CXorf38: variants seen among roughly 807,000 people sequenced by gnomAD.
The protein encoded by CXorf38 is chromosome X open reading frame 38.
In CXorf38, 13 loss-of-function variants were observed where a neutral mutation model predicts 27.5. The observed-to-expected ratio is 0.47, with a 90% CI of 0.31 to 0.75. The LOEUF is 0.75. Ranked by LOEUF, CXorf38 falls within the 30% of genes least tolerant of loss-of-function variation. CXorf38 has a pLI of 0.05. For missense variants in CXorf38, 240 were observed against 253.2 expected (o/e 0.95, Z 0.35); for synonymous variants, 100 against 99.8 (o/e 1.00, Z -0.01).
At chrX:40,632,781 C>T (rs1229622289) in intron 5 of CXorf38, among the ~76,000 whole-genome samples, 2 of 111,716 alleles carry the variant, frequency 1.8e-5, no homozygotes, top group African/African-American at 6.5e-5. Flanking sequence ...TCTGACCTCT[C>T]TGAGCTTACT....
chrX:40,646,741 A>G (rs914908914), intron 2 of CXorf38, among the ~76,000 whole-genome samples: 2 of 110,563 alleles, frequency 1.8e-5, no homozygotes, highest in Admixed American at 9.5e-5. Context: ...ATCTTGCCCC[A>G]GTATCTCTTG....
intron 5 of CXorf38, among the ~76,000 whole-genome samples, chrX:40,632,298 G>A (rs752736439): frequency 9.0e-6 from 1 of 111,647 alleles, no homozygotes; most frequent in Admixed American, 9.4e-5. Flanking sequence ...ACCCAGGAAC[G>A]GTGGTCCTTG....
At chrX:40,634,117 G>A (rs1316460239) in intron 5 of CXorf38, among the ~76,000 whole-genome samples, 2 of 112,273 alleles carry the variant, frequency 1.8e-5, no homozygotes, top group African/African-American at 6.5e-5. Flanking sequence ...ATAGAAAATT[G>A]TGGAGATGGT....
intron 3 of CXorf38, 94 bp downstream of exon 3, chrX:40,638,915 G>T: frequency 9.9e-7 from 1 of 1,010,480 alleles, no homozygotes; most frequent in Non-Finnish European, 1.4e-6. Flanking sequence ...ATACCTGCAT[G>T]GTTGGCTTAG....
chrX:40,646,610 C>T (rs1928589862), intron 2 of CXorf38, among the ~76,000 whole-genome samples: 1 of 111,311 alleles, frequency 9.0e-6, no homozygotes, highest in African/African-American at 3.3e-5. Context: ...CTTACTCTGT[C>T]ATCCTTACGG....
At chrX:40,642,775 TTC>T (rs940585850) in intron 2 of CXorf38, among the ~76,000 whole-genome samples, 7 of 111,023 alleles carry the variant, frequency 6.3e-5, no homozygotes, top group African/African-American at 1.6e-4. Context: ...GGACATTTTT[TTC>T]TCTTTTTTTT....
At chrX:40,636,488 T>C in intron 5 of CXorf38, 45 bp downstream of exon 5, 1 of 891,939 alleles carries the variant, frequency 1.1e-6, no homozygotes. Context: ...AGAATCTTTC[T>C]TTGTGTTGTT....
At chrX:40,644,065 G>A (rs760452429) in intron 2 of CXorf38, among the ~76,000 whole-genome samples, 1 of 112,192 alleles carries the variant, frequency 8.9e-6, no homozygotes, top group Non-Finnish European at 1.9e-5. Flanking sequence ...TTTGGCTATA[G>A]TGAATGGAGC....
Position 40,627,795 on chromosome X carries a change from A to T in CXorf38, c.*2369T>A, listed in dbSNP as rs997218937. The T allele has an allele frequency of 8.9e-5, 10 of 111,864 alleles. No homozygotes were observed. The highest frequency in any genetic ancestry group is 1.5e-4 in the Non-Finnish European group (8 of 53,207). 9.2% of individuals were successfully genotyped at this position (111,864 alleles called of 1,213,427 possible). A position where few individuals can be genotyped will look rare whatever the true frequency, so the allele number is the denominator to read the frequency against. On this transcript the variant is annotated 3_prime_UTR_variant, in exon 7 of 7. Transcript: ENST00000327877. ...ACCGTATCTTTAACAGAGCGGACAAATCCAGTAAGATGACAGTTCGTATAC... is the reference window on the plus strand; with the variant it reads ...ACCGTATCTTTAACAGAGCGGACAATTCCAGTAAGATGACAGTTCGTATAC...
Position 40,629,034 on chromosome X carries a change from A to G in CXorf38, c.*1130T>C. ...AGTTTTTGGGGTTTTTTTTTTTTTG[A>G]GACAGGGTCTTGTTCTGCTACCCAG... On this transcript the variant is annotated 3_prime_UTR_variant, in exon 7 of 7. Transcript: ENST00000327877. The G allele has an allele frequency of 9.5e-6, 1 of 105,496 alleles. No individual in the cohort carries two copies. The highest frequency in any genetic ancestry group is 1.9e-5 in the Non-Finnish European group (1 of 51,534). The allele number at this position is 105,496 out of a possible 1,213,427, so 8.7% of individuals were successfully genotyped here.
intron 2 of CXorf38, among the ~76,000 whole-genome samples, chrX:40,644,166 T>A (rs1477381566): frequency 2.7e-5 from 3 of 112,354 alleles, no homozygotes; most frequent in Non-Finnish European, 5.6e-5. Flanking sequence ...CTGGGTCATG[T>A]GGTAACTGTT....
chrX:40,641,632 TC>T (rs780090836), intron 2 of CXorf38, among the ~76,000 whole-genome samples: 1 of 111,898 alleles, frequency 8.9e-6, no homozygotes, highest in Non-Finnish European at 1.9e-5. Context: ...AGTCAAGTGA[TC>T]CGCCTGCTTC....
chrX:40,647,012 C>G lies in CXorf38; in HGVS notation c.346G>C (p.Ala116Pro), dbSNP rs1408477201. The part of the protein sequence containing the change: ...GRWPVDAWEV[A>P]KAFMPRGLAD... ...TCCCCGCCTCAGGCGCTTACCTTGG[C>G]CACCTCCCAGGCGTCCACGGGCCAG... Residue 116 changes from alanine to proline, a missense_variant, in exon 2 of 7, where the codon GCC becomes CCC. Physicochemically the swap from Ala to Pro is conservative, Grantham distance 27. Transcript: ENST00000327877. 8.3e-7 allele frequency: 1 copy of G among 1,210,641 alleles called. No individual in the cohort carries two copies. Among genetic ancestry groups the G allele is most frequent in the South Asian group, 1.8e-5 (1 of 56,834 alleles).
At position 40,636,618 on chromosome X, in the gene CXorf38, A is replaced by T; in HGVS notation, c.716T>A (p.Val239Asp). ...TAGTAACTGCATTTCTATTTCATTG[A>T]CTTGGCTCTCACTCAGGTAAGTTCC... ...EMGTYLSESQ[V>D]NEIEMQLLKE... Residue 239 changes from valine (V) to aspartate (D), a missense_variant, in exon 5 of 7, where the codon GTC becomes GAC. Val to Asp is a radical substitution (Grantham distance 152). Coordinates refer to ENST00000327877, the MANE Select transcript of CXorf38 (RefSeq NM_144970.3). 1 of 1,205,117 alleles carries T rather than the reference A, an allele frequency of 8.3e-7. No individual in the cohort carries two copies. The highest frequency in any genetic ancestry group is 1.1e-6 in the Non-Finnish European group (1 of 890,614).
At chrX:40,637,231 A>G (rs1005720935) in intron 3 of CXorf38, 75 bp from the exon 4 acceptor site, 2 of 740,368 alleles carry the variant, frequency 2.7e-6, no homozygotes, top group African/African-American at 4.4e-5. Flanking sequence ...CTCCAAAGAA[A>G]AAATCATAGA....
chrX:40,638,447 C>T (rs1026205219), intron 3 of CXorf38, among the ~76,000 whole-genome samples: 2 of 111,874 alleles, frequency 1.8e-5, no homozygotes, highest in Non-Finnish European at 3.8e-5. Flanking sequence ...CTCTGGTGAA[C>T]TAGAGAAAAA....
At chrX:40,644,403 T>G (rs1330822784) in intron 2 of CXorf38, among the ~76,000 whole-genome samples, 1 of 111,484 alleles carries the variant, frequency 9.0e-6, no homozygotes, top group Non-Finnish European at 1.9e-5. Flanking sequence ...ACATGGAGAT[T>G]AGTTGGTGTT....
rs202172886 is a variant in CXorf38 at position 40,647,179 on chromosome X, G to C, written c.217-38C>G. ...GCGGTGAGGAGGGGCCCAGGAGGGA[G>C]GGACGTCGCGGTGGGCCCCGCATCG... On this transcript the variant is annotated intron_variant, in intron 1 of 6. Transcript: ENST00000327877. 1,607 of 1,203,829 alleles carry C rather than the reference G, an allele frequency of 1.3e-3. 18 individuals carry two copies. In the African/African-American group the frequency reaches 0.024, roughly 18 times the overall value.
chrX:40,630,445 A>G (rs1484977648), intron 6 of CXorf38, 169 bp downstream of exon 6: 1 of 416,896 alleles, frequency 2.4e-6, no homozygotes. Flanking sequence ...CGTAAGAATC[A>G]TTAAGTGAAG....
Sources: allele counts gnomAD v4.1 joint callset (sites outside exome capture counted in the v4.1 genomes callset), GRCh38; gene constraint gnomAD v4.1.1; transcripts MANE v1.5; gene names NCBI Gene and HGNC (gene_info 2026-07-23, HGNC 2026-07-21).